Variants in PAIP2 observed in about 807,000 individuals in gnomAD.
PAIP2 encodes the protein polyadenylate-binding protein-interacting protein 2.
A neutral mutation model predicts 14.8 loss-of-function variants in PAIP2; 7 were observed. That is an observed-to-expected ratio of 0.47 (90% CI 0.27 to 0.89). PAIP2 has a LOEUF of 0.89. Ranked by LOEUF, PAIP2 falls within the 40% of genes least tolerant of loss-of-function variation. The pLI, the probability that PAIP2 is intolerant of heterozygous loss-of-function variation, is 0.13. For missense variants in PAIP2, 122 were observed against 154.7 expected (o/e 0.79, Z 1.12); for synonymous variants, 47 against 45.3 (o/e 1.04, Z -0.15).
chr5:139,358,154 T>G (rs1756970555), intron 1 of PAIP2, among the ~76,000 whole-genome samples: 1 of 152,132 alleles, frequency 6.6e-6, no homozygotes, highest in Non-Finnish European at 1.5e-5. Flanking sequence ...TGTTTTAGAG[T>G]CAGGCTACCT....
At chr5:139,354,465 C>T (rs1031231791) in intron 1 of PAIP2, among the ~76,000 whole-genome samples, 2 of 152,010 alleles carry the variant, frequency 1.3e-5, no homozygotes, top group African/African-American at 2.4e-5. Context: ...TTCAACAATT[C>T]GATTGTAATG....
At chr5:139,348,355 A>ATT (rs1223212420) in intron 1 of PAIP2, among the ~76,000 whole-genome samples, 5 of 136,110 alleles carry the variant, frequency 3.7e-5, no homozygotes, top group Non-Finnish European at 4.8e-5. Context: ...AGCCTGGCTA[A>ATT]TTTTTTTTTT....
At chr5:139,362,668 C>T (rs1376506250) in intron 1 of PAIP2, among the ~76,000 whole-genome samples, 3 of 151,874 alleles carry the variant, frequency 2.0e-5, no homozygotes, top group Non-Finnish European at 4.4e-5. Context: ...CCTCGGCCTC[C>T]CAAAGTGCTG....
Position 139,369,330 on chromosome 5 carries a change from T to G in PAIP2, c.*532T>G, listed in dbSNP as rs1220698937. 1 of 152,864 alleles carries G rather than the reference T, an allele frequency of 6.5e-6. No individual in the cohort carries two copies. Among genetic ancestry groups the G allele is most frequent in the Non-Finnish European group, 1.5e-5 (1 of 68,230 alleles). The allele number at this position is 152,864 out of a possible 1,614,324, so 9.5% of individuals were successfully genotyped here. On this transcript the variant is annotated 3_prime_UTR_variant, in exon 4 of 4. Coordinates refer to ENST00000265192, the MANE Select transcript of PAIP2 (RefSeq NM_016480.5). ...AGCAGATGAGTGCCAGTCCAGCCTT[T>G]TCTGGTATGTTATTGTTAGAAATAT...
At chr5:139,354,221 A>C (rs886152265) in intron 1 of PAIP2, among the ~76,000 whole-genome samples, 1 of 152,174 alleles carries the variant, frequency 6.6e-6, no homozygotes, top group African/African-American at 2.4e-5. Context: ...ACTAGTGACA[A>C]ACTCTGTCCA....
intron 3 of PAIP2, chr5:139,365,049 C>G (rs888251803): frequency 1.8e-5 from 3 of 165,434 alleles, no homozygotes; most frequent in Non-Finnish European, 3.9e-5. Context: ...GAGGCTGAGG[C>G]AGGAGAATCG....
At chr5:139,363,614 T>A in intron 1 of PAIP2, 145 bp from the exon 2 acceptor site, 1 of 623,756 alleles carries the variant, frequency 1.6e-6, no homozygotes, top group Non-Finnish European at 2.7e-6. Flanking sequence ...CCCAGTTACT[T>A]GGGAGGCTGA....
At chr5:139,361,100 T>G (rs974582116) in intron 1 of PAIP2, among the ~76,000 whole-genome samples, 2 of 152,096 alleles carry the variant, frequency 1.3e-5, no homozygotes, top group African/African-American at 4.8e-5. Flanking sequence ...TTTATAGATA[T>G]ACATACTATA....
chr5:139,352,282 A>T (rs1581301437), intron 1 of PAIP2, among the ~76,000 whole-genome samples: 1 of 43,008 alleles, frequency 2.3e-5, no homozygotes. Context: ...TGACTACTAG[A>T]TACATTAAGC....
At chr5:139,353,458 CTG>C (rs1194399029) in intron 1 of PAIP2, among the ~76,000 whole-genome samples, 1 of 152,010 alleles carries the variant, frequency 6.6e-6, no homozygotes, top group Non-Finnish European at 1.5e-5. Context: ...CACATTTTTA[CTG>C]TGTATTATTT....
At chr5:139,360,028 G>T (rs886507573) in intron 1 of PAIP2, among the ~76,000 whole-genome samples, 1 of 151,722 alleles carries the variant, frequency 6.6e-6, no homozygotes, top group Non-Finnish European at 1.5e-5. Flanking sequence ...GTGCAGTGGC[G>T]CAGTCTCGGC....
chr5:139,366,639 C>CT (rs1468464211), intron 3 of PAIP2, among the ~76,000 whole-genome samples: 2 of 152,198 alleles, frequency 1.3e-5, no homozygotes, highest in African/African-American at 2.4e-5. Flanking sequence ...ACACTCTTGG[C>CT]TGAGCATAAT....
chr5:139,368,924 A>T lies in PAIP2; in HGVS notation c.*126A>T, dbSNP rs927786468. On this transcript the variant is annotated 3_prime_UTR_variant, in exon 4 of 4. Transcript: ENST00000265192. Reference sequence around the variant, plus strand: ...CTTATGCATTGCCAAAGTTTTTGTTAGTCTTGCATGCTTAATAAAAGTGCT... The same window carrying T: ...CTTATGCATTGCCAAAGTTTTTGTTTGTCTTGCATGCTTAATAAAAGTGCT... 1 of 654,730 alleles carries T rather than the reference A, an allele frequency of 1.5e-6. No homozygotes were observed. The allele number at this position is 654,730 out of a possible 1,614,324, so 40.6% of individuals were successfully genotyped here. A position where few individuals can be genotyped will look rare whatever the true frequency, so the allele number is the denominator to read the frequency against.
chr5:139,365,216 T>C (rs1337024543), intron 3 of PAIP2: 3 of 151,486 alleles, frequency 2.0e-5, no homozygotes, highest in Non-Finnish European at 4.4e-5. Context: ...CCAGGCACGG[T>C]GGCTCATGCC....
chr5:139,363,093 T>C (rs1478458417), intron 1 of PAIP2, among the ~76,000 whole-genome samples: 1 of 151,896 alleles, frequency 6.6e-6, no homozygotes, highest in Non-Finnish European at 1.5e-5. Flanking sequence ...ATACAAAAAT[T>C]AGCTGGGCAT....
intron 1 of PAIP2, among the ~76,000 whole-genome samples, chr5:139,351,333 A>G (rs1279983804): frequency 2.0e-5 from 3 of 152,046 alleles, no homozygotes; most frequent in African/African-American, 7.2e-5. Flanking sequence ...AAAAAGAGTG[A>G]TCATAGCAAG....
chr5:139,344,752 A>G (rs749337288), intron 1 of PAIP2, among the ~76,000 whole-genome samples: 5 of 152,174 alleles, frequency 3.3e-5, no homozygotes, highest in Non-Finnish European at 7.3e-5. Context: ...TTGTTACACT[A>G]CAGTTGAGAT....
chr5:139,368,586 TCTTC>T (rs1389143052), intron 3 of PAIP2, 143 bp from the exon 4 acceptor site: 1 of 607,488 alleles, frequency 1.6e-6, no homozygotes, highest in African/African-American at 1.9e-5. Flanking sequence ...TACATCTGGT[TCTTC>T]CTTTTTGGGG....
At chr5:139,347,268 C>CT (rs34018719) in intron 1 of PAIP2, among the ~76,000 whole-genome samples, 88,738 of 105,872 alleles carry the variant, frequency 0.84, 38,081 homozygotes, top group South Asian at 0.93. Flanking sequence ...CATGTTACAA[C>CT]TTTTTTTTTT....
Sources: allele counts gnomAD v4.1 joint callset (sites outside exome capture counted in the v4.1 genomes callset), GRCh38; gene constraint gnomAD v4.1.1; transcripts MANE v1.5; gene names NCBI Gene and HGNC (gene_info 2026-07-23, HGNC 2026-07-21).